RARB: variants seen among roughly 807,000 people sequenced by gnomAD.
RARB encodes the protein HBV-activated protein.
Under a neutral mutation model 51.9 loss-of-function variants are expected in RARB, and 17 were observed. That is an observed-to-expected ratio of 0.33 (90% CI 0.22 to 0.49). RARB has a LOEUF of 0.49. Among genes scored for constraint, RARB ranks in the 20% least tolerant of loss-of-function variants. The probability of loss-of-function intolerance (pLI) is 0.99; values close to 1 mark genes in which losing one functional copy is unlikely to be tolerated. For missense variants in RARB, 369 were observed against 550.8 expected, an observed-to-expected ratio of 0.67 and a Z score of 3.30; for synonymous variants, 215 against 195.4, an observed-to-expected ratio of 1.10 and a Z score of -0.84.
At chr3:25,466,085 A>G (rs1486015736) in intron 2 of RARB, among the ~76,000 whole-genome samples, 1 of 152,196 alleles carries the variant, frequency 6.6e-6, no homozygotes, top group Non-Finnish European at 1.5e-5. Context: ...TATTGTTGTG[A>G]GGATAAAATG....
At chr3:25,124,895 G>C (rs1304868456) in intron 3 of RARB, among the ~76,000 whole-genome samples, 1 of 152,070 alleles carries the variant, frequency 6.6e-6, no homozygotes. Context: ...GTCTTTTCAG[G>C]CTTCTTTTTC....
intron 2 of RARB, among the ~76,000 whole-genome samples, chr3:25,478,030 G>A (rs1696041597): frequency 6.6e-6 from 1 of 152,190 alleles, no homozygotes; most frequent in Non-Finnish European, 1.5e-5. Flanking sequence ...TCTTGATGTG[G>A]CTTGGGCCTC....
At chr3:25,481,036 A>T (rs1490392426) in intron 2 of RARB, among the ~76,000 whole-genome samples, 1 of 152,164 alleles carries the variant, frequency 6.6e-6, no homozygotes, top group Admixed American at 6.5e-5. Flanking sequence ...CCCTACAGGA[A>T]TGTGGAACTA....
At chr3:25,341,534 G>A (rs1575325630) in intron 5 of RARB, among the ~76,000 whole-genome samples, 1 of 152,062 alleles carries the variant, frequency 6.6e-6, no homozygotes, top group African/African-American at 2.4e-5. Context: ...AGGAAGGGTT[G>A]GGGTGAAAGA....
chr3:25,338,487 C>G (rs1329352571), intron 5 of RARB, among the ~76,000 whole-genome samples: 1 of 152,106 alleles, frequency 6.6e-6, no homozygotes, highest in East Asian at 1.9e-4. Flanking sequence ...ACTGAATTAC[C>G]CACTGTCAAT....
intron 2 of RARB, among the ~76,000 whole-genome samples, chr3:25,054,460 C>T (rs1000132979): frequency 1.3e-5 from 2 of 152,124 alleles, no homozygotes; most frequent in East Asian, 3.9e-4. Flanking sequence ...CGCAGGAGAG[C>T]TGTGGAGATG....
chr3:25,159,260 C>A (rs1469357477), intron 4 of RARB, among the ~76,000 whole-genome samples: 1 of 150,364 alleles, frequency 6.7e-6, no homozygotes, highest in South Asian at 2.1e-4. Flanking sequence ...ACCTCCCCCT[C>A]CCCGGTTCAA....
chr3:25,227,677 G>T (rs143316468), intron 5 of RARB, among the ~76,000 whole-genome samples: 1 of 152,102 alleles, frequency 6.6e-6, no homozygotes, highest in African/African-American at 2.4e-5. Flanking sequence ...AATGTTTATG[G>T]CATTTATACT....
intron 2 of RARB, among the ~76,000 whole-genome samples, chr3:24,947,909 G>A (rs1354849424): frequency 3.9e-5 from 6 of 151,928 alleles, no homozygotes; most frequent in Admixed American, 3.9e-4. Flanking sequence ...TAAGAATAAG[G>A]CAAGGCTTGT....
chr3:24,934,933 G>T (rs1695518802), intron 2 of RARB, among the ~76,000 whole-genome samples: 1 of 152,122 alleles, frequency 6.6e-6, no homozygotes, highest in African/African-American at 2.4e-5. Flanking sequence ...TTACCATGGG[G>T]ATGTGACAGA....
chr3:25,244,981 G>C (rs1002734855), intron 5 of RARB, among the ~76,000 whole-genome samples: 3 of 151,772 alleles, frequency 2.0e-5, no homozygotes, highest in African/African-American at 7.3e-5. Flanking sequence ...TTATGAATCT[G>C]GGTGCTCCCG....
intron 2 of RARB, among the ~76,000 whole-genome samples, chr3:24,891,413 C>T (rs1703375634): frequency 6.6e-6 from 1 of 152,104 alleles, no homozygotes; most frequent in Admixed American, 6.6e-5. Flanking sequence ...TCCAACATCT[C>T]CGAAATGGGA....
intron 2 of RARB, among the ~76,000 whole-genome samples, chr3:24,969,610 T>C (rs769858839): frequency 2.6e-5 from 4 of 152,146 alleles, no homozygotes; most frequent in South Asian, 2.1e-4. Context: ...TAGATACTTA[T>C]GTCTTTCTCA....
intron 5 of RARB, among the ~76,000 whole-genome samples, chr3:25,282,804 A>C (rs956381199): frequency 2.6e-5 from 4 of 152,088 alleles, no homozygotes; most frequent in African/African-American, 9.7e-5. Flanking sequence ...CACCACCACC[A>C]CCCACATCTT....
chr3:24,858,746 C>A (rs1191090399), exon 2 of RARB: 2 of 152,112 alleles, frequency 1.3e-5, no homozygotes, highest in Non-Finnish European at 2.9e-5. Context: ...CAATCTTCAG[C>A]AAGGAGGTAC....
At chr3:25,012,412 G>C (rs908716580) in intron 2 of RARB, among the ~76,000 whole-genome samples, 1 of 152,204 alleles carries the variant, frequency 6.6e-6, no homozygotes, top group African/African-American at 2.4e-5. Context: ...GCAACAGAAT[G>C]AGTATTTCTA....
At chr3:24,965,459 A>G (rs1404826331) in intron 2 of RARB, among the ~76,000 whole-genome samples, 1 of 152,180 alleles carries the variant, frequency 6.6e-6, no homozygotes, top group Non-Finnish European at 1.5e-5. Context: ...TAAAGCTAAA[A>G]GAAGAATAGA....
intron 1 of RARB, among the ~76,000 whole-genome samples, chr3:25,457,697 T>C (rs1301598597): frequency 1.3e-5 from 2 of 152,236 alleles, no homozygotes; most frequent in East Asian, 1.9e-4. Context: ...GGTGAAATGC[T>C]GGACTCCCTT....
At chr3:25,587,960 T>G (rs1158157645) in intron 5 of RARB, among the ~76,000 whole-genome samples, 2 of 152,080 alleles carry the variant, frequency 1.3e-5, no homozygotes, top group Non-Finnish European at 2.9e-5. Flanking sequence ...GGAATTCAGT[T>G]TATTCATTCA....
Sources: allele counts gnomAD v4.1 joint callset (sites outside exome capture counted in the v4.1 genomes callset), GRCh38; gene constraint gnomAD v4.1.1; transcripts MANE v1.5; gene names NCBI Gene and HGNC (gene_info 2026-07-23, HGNC 2026-07-21).